Variants in OSBPL1A observed in about 807,000 individuals in gnomAD.
OSBPL1A encodes the protein oxysterol binding protein like 1A, also known as oxysterol-binding protein-related protein 1.
In OSBPL1A, 80 loss-of-function variants were observed where a neutral mutation model predicts 137.1. The observed-to-expected ratio is 0.58, with a 90% CI of 0.49 to 0.70. The LOEUF (loss-of-function observed/expected upper bound fraction) is 0.70. OSBPL1A is among the 30% of genes least tolerant of loss of function. The pLI, the probability that OSBPL1A is intolerant of heterozygous loss-of-function variation, is 0.00. For missense variants in OSBPL1A, 970 were observed against 1,129.4 expected (o/e 0.86, Z 2.02); for synonymous variants, 365 against 389.7 (o/e 0.94, Z 0.75).
chr18:24,374,490 G>A (rs1452671162), intron 2 of OSBPL1A, among the ~76,000 whole-genome samples: 1 of 152,032 alleles, frequency 6.6e-6, no homozygotes, highest in Non-Finnish European at 1.5e-5. Context: ...AGCTGCTTCC[G>A]GGATGCAGGA....
chr18:24,218,426 T>C (rs1475590005), intron 17 of OSBPL1A: 1 of 152,100 alleles, frequency 6.6e-6, no homozygotes, highest in Non-Finnish European at 1.5e-5. Context: ...GTTCAAGTAA[T>C]CTACTGTACA....
chr18:24,177,983 AAAG>A (rs778806557), intron 21 of OSBPL1A, 27 bp downstream of exon 21: 46 of 1,595,366 alleles, frequency 2.9e-5, no homozygotes, highest in Non-Finnish European at 3.7e-5. Flanking sequence ...GTCTACATGA[AAAG>A]AGTGTAATGG....
chr18:24,168,384 G>GT (rs1203007245), intron 24 of OSBPL1A, among the ~76,000 whole-genome samples: 2 of 152,164 alleles, frequency 1.3e-5, no homozygotes, highest in African/African-American at 4.8e-5. Flanking sequence ...TCAACTAAAT[G>GT]TATCGATGCC....
chr18:24,234,647 G>T (rs2088401804), intron 16 of OSBPL1A, among the ~76,000 whole-genome samples: 1 of 152,090 alleles, frequency 6.6e-6, no homozygotes, highest in Non-Finnish European at 1.5e-5. Context: ...AAGCTTAAAG[G>T]GATATGATAA....
At chr18:24,243,100 G>A (rs1257765427) in intron 15 of OSBPL1A, among the ~76,000 whole-genome samples, 1 of 152,132 alleles carries the variant, frequency 6.6e-6, no homozygotes, top group Non-Finnish European at 1.5e-5. Flanking sequence ...GCAGTGGCAG[G>A]AGACTGTAAT....
At chr18:24,186,022 C>T (rs546889360) in intron 18 of OSBPL1A, among the ~76,000 whole-genome samples, 4 of 152,150 alleles carry the variant, frequency 2.6e-5, no homozygotes, top group Admixed American at 6.5e-5. Flanking sequence ...GAATCATGTT[C>T]GTGCCACTGC....
At chr18:24,284,535 T>C (rs1264156725) in intron 14 of OSBPL1A, among the ~76,000 whole-genome samples, 1 of 152,186 alleles carries the variant, frequency 6.6e-6, no homozygotes, top group Non-Finnish European at 1.5e-5. Flanking sequence ...CAATTTTTAA[T>C]TGGGTAAGTT....
intron 24 of OSBPL1A, among the ~76,000 whole-genome samples, chr18:24,169,425 T>TC (rs2086220231): frequency 6.6e-6 from 1 of 152,192 alleles, no homozygotes; most frequent in South Asian, 2.1e-4. Context: ...CAGATGATGC[T>TC]CAAGATGCCA....
chr18:24,307,594 T>C (rs1040363273), intron 13 of OSBPL1A, among the ~76,000 whole-genome samples: 4 of 152,220 alleles, frequency 2.6e-5, no homozygotes, highest in Admixed American at 1.3e-4. Context: ...CTGTTTTTTT[T>C]CCTCCCAAGT....
At position 24,201,889 on chromosome 18, in the gene OSBPL1A, C is replaced by T. The variant is rs189434501; in HGVS notation, c.1602-5689G>A. ...CCTCCTGCATCTGCTCTGTGGATTG[C>T]TAGGCTAGACACTCAACACTGTTTG... On this transcript the variant is annotated intron_variant, in intron 17 of 27. Transcript: ENST00000319481. 2.9e-3 allele frequency among the ~76,000 whole-genome samples: 444 copies of T among 152,270 alleles called. 4 individuals are homozygous for T. The highest frequency in any genetic ancestry group is 0.022 in the Admixed American group (337 of 15,300).
At chr18:24,176,474 A>G (rs1375367560) in intron 21 of OSBPL1A, among the ~76,000 whole-genome samples, 1 of 142,452 alleles carries the variant, frequency 7.0e-6, no homozygotes, top group Non-Finnish European at 1.5e-5. Context: ...AAATACTTCT[A>G]TTTTTTTTTT....
intron 15 of OSBPL1A, among the ~76,000 whole-genome samples, chr18:24,246,068 C>G (rs925185374): frequency 6.6e-6 from 1 of 151,862 alleles, no homozygotes; most frequent in African/African-American, 2.4e-5. Flanking sequence ...AAAAATTAGG[C>G]AGGCGTGGTG....
At chr18:24,283,313 TACACACACACACAG>T (rs1196211163) in intron 14 of OSBPL1A, among the ~76,000 whole-genome samples, 1 of 130,388 alleles carries the variant, frequency 7.7e-6, no homozygotes, top group East Asian at 2.1e-4. Flanking sequence ...TGTATATATA[TACACACACACACAG>T]ACACACACAC....
At chr18:24,344,787 A>C (rs1178698601) in intron 4 of OSBPL1A, among the ~76,000 whole-genome samples, 1 of 151,972 alleles carries the variant, frequency 6.6e-6, no homozygotes, top group African/African-American at 2.4e-5. Context: ...GAAAGTTTCA[A>C]AAGAAAAGAG....
intron 16 of OSBPL1A, among the ~76,000 whole-genome samples, chr18:24,236,356 T>C (rs945785967): frequency 2.6e-5 from 4 of 152,060 alleles, no homozygotes; most frequent in African/African-American, 7.2e-5. Flanking sequence ...TTTGTTCCCT[T>C]GTAATAGAGT....
intron 18 of OSBPL1A, among the ~76,000 whole-genome samples, chr18:24,183,429 CTTTTTCTTTTTT>C (rs1490145278): frequency 6.7e-6 from 1 of 149,904 alleles, no homozygotes; most frequent in African/African-American, 2.5e-5. Flanking sequence ...TTTTCTTTTT[CTTTTTCTTTTTT>C]TTTTTTTTGA....
chr18:24,237,408 G>C (rs939946776), intron 16 of OSBPL1A, among the ~76,000 whole-genome samples: 3 of 151,960 alleles, frequency 2.0e-5, no homozygotes, highest in Non-Finnish European at 4.4e-5. Flanking sequence ...GGGCTTAAGC[G>C]ATCCTCCCAC....
At chr18:24,359,278 G>T (rs912645166) in intron 4 of OSBPL1A, among the ~76,000 whole-genome samples, 3 of 151,376 alleles carry the variant, frequency 2.0e-5, no homozygotes, top group African/African-American at 7.3e-5. Flanking sequence ...CGGGAAGAGG[G>T]GGTCTTGTTA....
chr18:24,247,038 A>G (rs936793827), intron 15 of OSBPL1A, among the ~76,000 whole-genome samples: 1 of 152,172 alleles, frequency 6.6e-6, no homozygotes, highest in African/African-American at 2.4e-5. Context: ...TAAGTTTTTA[A>G]AATTAAATTT....
Sources: allele counts gnomAD v4.1 joint callset (sites outside exome capture counted in the v4.1 genomes callset), GRCh38; gene constraint gnomAD v4.1.1; transcripts MANE v1.5; gene names NCBI Gene and HGNC (gene_info 2026-07-23, HGNC 2026-07-21).